ASCC3: variants seen among roughly 807,000 people sequenced by gnomAD.
ASCC3 encodes ASC-1 complex subunit P200.
Under a neutral mutation model 256.3 loss-of-function variants are expected in ASCC3, and 158 were observed. The ratio of observed to expected loss-of-function variants is 0.62; its 90% CI spans 0.54 to 0.70. The LOEUF (loss-of-function observed/expected upper bound fraction) is 0.70, where lower values mean the gene tolerates loss of function less well. Ranked by LOEUF, ASCC3 falls within the 30% of genes least tolerant of loss-of-function variation. ASCC3 has a pLI of 0.00. For missense variants in ASCC3, 2,259 were observed against 2,626.0 expected (o/e 0.86, Z 3.05); for synonymous variants, 948 against 883.4 (o/e 1.07, Z -1.30).
At chr6:100,619,463 AAATT>A (rs780721855) in intron 30 of ASCC3, among the ~76,000 whole-genome samples, 12 of 152,156 alleles carry the variant, frequency 7.9e-5, no homozygotes, top group Non-Finnish European at 1.8e-4. Context: ...TCCATTTGAA[AAATT>A]AATTAAAGAT....
intron 36 of ASCC3, among the ~76,000 whole-genome samples, chr6:100,555,631 G>T (rs1769533213): frequency 6.6e-6 from 1 of 152,154 alleles, no homozygotes; most frequent in Non-Finnish European, 1.5e-5. Context: ...TTAAAAAATT[G>T]CCCTTTGATG....
intron 37 of ASCC3, chr6:100,530,322 T>C (rs1264361818): frequency 6.9e-7 from 1 of 1,442,186 alleles, no homozygotes; most frequent in Non-Finnish European, 9.8e-7. Flanking sequence ...TGTCAGTTTA[T>C]GATCTTCACA....
At chr6:100,564,084 TATA>T (rs1770101888) in intron 36 of ASCC3, among the ~76,000 whole-genome samples, 1 of 151,960 alleles carries the variant, frequency 6.6e-6, no homozygotes, top group African/African-American at 2.4e-5. Context: ...GGTGTTTCAC[TATA>T]ATGTTTTTAT....
chr6:100,875,404 G>A (rs1419671280), intron 1 of ASCC3, among the ~76,000 whole-genome samples: 1 of 152,124 alleles, frequency 6.6e-6, no homozygotes, highest in African/African-American at 2.4e-5. Flanking sequence ...ATATGGTTTT[G>A]GATTTCCTAT....
At position 100,588,737 on chromosome 6, in the gene ASCC3, A is replaced by G. The variant is rs113046986; in HGVS notation, c.5550+897T>C. On this transcript the variant is annotated intron_variant, in intron 36 of 41. Coordinates refer to ENST00000369162, the MANE Select transcript of ASCC3 (RefSeq NM_006828.4). ...TACAAACTAGTTTCTTGTAGGGGAA[A>G]AAACTGAGAAATTGAAAAACTGTGA... 5.3e-5 allele frequency among the ~76,000 whole-genome samples: 8 copies of G among 152,288 alleles called. 1 individual carries two copies. Among genetic ancestry groups the G allele is most frequent in the African/African-American group, 1.9e-4 (8 of 41,572 alleles).
At chr6:100,543,454 T>A (rs1251696103) in intron 36 of ASCC3, among the ~76,000 whole-genome samples, 1 of 152,086 alleles carries the variant, frequency 6.6e-6, no homozygotes, top group Non-Finnish European at 1.5e-5. Flanking sequence ...TGTATATATG[T>A]GTAGATATGT....
At chr6:100,708,284 T>C (rs1371462583) in intron 13 of ASCC3, among the ~76,000 whole-genome samples, 1 of 152,204 alleles carries the variant, frequency 6.6e-6, no homozygotes, top group Non-Finnish European at 1.5e-5. Context: ...CTTTAATTTA[T>C]ACCTATGAAA....
At chr6:100,525,281 T>C (rs1217320729) in intron 37 of ASCC3, among the ~76,000 whole-genome samples, 1 of 151,414 alleles carries the variant, frequency 6.6e-6, no homozygotes, top group Admixed American at 6.6e-5. Context: ...GGATGATATA[T>C]TGTCATCAGA....
intron 11 of ASCC3, among the ~76,000 whole-genome samples, chr6:100,724,286 T>G (rs1562251841): frequency 6.8e-6 from 1 of 147,376 alleles, no homozygotes; most frequent in African/African-American, 2.5e-5. Context: ...AATCAAAAGT[T>G]AAAAAAAAAA....
chr6:100,717,624 A>G (rs1562246474), intron 12 of ASCC3, among the ~76,000 whole-genome samples: 1 of 151,970 alleles, frequency 6.6e-6, no homozygotes, highest in Admixed American at 6.6e-5. Flanking sequence ...TGTAAGTTAA[A>G]CAGAACACCT....
At chr6:100,645,750 T>C (rs1775349574) in intron 22 of ASCC3, among the ~76,000 whole-genome samples, 1 of 152,076 alleles carries the variant, frequency 6.6e-6, no homozygotes, top group Admixed American at 6.6e-5. Flanking sequence ...TACATAATAA[T>C]ATCTAAGCTA....
At chr6:100,549,566 A>G (rs951343272) in intron 36 of ASCC3, among the ~76,000 whole-genome samples, 27 of 151,876 alleles carry the variant, frequency 1.8e-4, no homozygotes, top group African/African-American at 6.5e-4. Flanking sequence ...TTTCAGGTGA[A>G]TCAGGACTGA....
intron 10 of ASCC3, among the ~76,000 whole-genome samples, chr6:100,765,017 G>C (rs72945134): frequency 0.04 from 6,060 of 152,160 alleles, 149 homozygotes; most frequent in African/African-American, 0.058. Flanking sequence ...GGGCGAAAAG[G>C]TCACATAGAT....
chr6:100,766,242 T>A (rs1254255094), intron 10 of ASCC3, among the ~76,000 whole-genome samples: 1 of 152,168 alleles, frequency 6.6e-6, no homozygotes, highest in Non-Finnish European at 1.5e-5. Flanking sequence ...TCTATATATG[T>A]CCCTCCTCTT....
intron 36 of ASCC3, among the ~76,000 whole-genome samples, chr6:100,555,202 C>A (rs1562115218): frequency 6.6e-6 from 1 of 151,820 alleles, no homozygotes; most frequent in Admixed American, 6.6e-5. Flanking sequence ...TAAAAATTTT[C>A]TAATATGCAC....
chr6:100,562,017 G>T (rs779715636), intron 36 of ASCC3, among the ~76,000 whole-genome samples: 2 of 152,072 alleles, frequency 1.3e-5, no homozygotes, highest in Non-Finnish European at 2.9e-5. Flanking sequence ...CAAGGAGGAT[G>T]ATATTTGTGA....
At chr6:100,671,723 G>A (rs1325189541) in intron 14 of ASCC3, among the ~76,000 whole-genome samples, 2 of 151,876 alleles carry the variant, frequency 1.3e-5, no homozygotes, top group Non-Finnish European at 2.9e-5. Flanking sequence ...TTCTTTCCAC[G>A]ACTTTACATA....
chr6:100,542,408 C>T (rs997146257), intron 36 of ASCC3, among the ~76,000 whole-genome samples: 21 of 152,098 alleles, frequency 1.4e-4, no homozygotes, highest in Non-Finnish European at 2.2e-4. Flanking sequence ...TCGGGCCGGG[C>T]GCGGTGGCTC....
chr6:100,583,507 T>C, intron 36 of ASCC3, among the ~76,000 whole-genome samples: 1 of 152,216 alleles, frequency 6.6e-6, no homozygotes, highest in Non-Finnish European at 1.5e-5. Context: ...GCTAGTGGTC[T>C]GTCAATTTTG....
Sources: allele counts gnomAD v4.1 joint callset (sites outside exome capture counted in the v4.1 genomes callset), GRCh38; gene constraint gnomAD v4.1.1; transcripts MANE v1.5; gene names NCBI Gene and HGNC (gene_info 2026-07-23, HGNC 2026-07-21).